Variants in XYLB observed in about 807,000 individuals in gnomAD.
The protein encoded by XYLB is xylulose kinase.
XYLB carries 62 observed loss-of-function variants against 78.7 expected under a neutral mutation model. The ratio of observed to expected loss-of-function variants is 0.79; its 90% confidence interval spans 0.64 to 0.97. The LOEUF is 0.97. Ranked by LOEUF, XYLB falls within the 50% of genes least tolerant of loss-of-function variation. The pLI is 0.00. For missense variants in XYLB, 687 were observed against 676.8 expected (o/e 1.02, Z -0.17); for synonymous variants, 245 against 247.4 (o/e 0.99, Z 0.09).
chr3:38,442,887 G>C, the XYLB span, among the ~76,000 whole-genome samples: 3 of 152,128 alleles, frequency 2.0e-5, no homozygotes, highest in Non-Finnish European at 2.9e-5. Context: ...TTGCCCTTCT[G>C]CATTGTCCTT....
chr3:38,384,598 G>A (rs1707300129), intron 15 of XYLB, among the ~76,000 whole-genome samples: 1 of 152,184 alleles, frequency 6.6e-6, no homozygotes, highest in African/African-American at 2.4e-5. Context: ...AATACATAAC[G>A]AATGGATGTC....
At position 38,365,698 on chromosome 3, in the gene XYLB, C is replaced by G; in HGVS notation, c.469C>G (p.Gln157Glu). ...RQLEAAVGGA[Q>E]ALSCLTGSRA... ...GCTGGAGGCTGCTGTGGGTGGTGCT[C>G]AGGCTCTCAGCTGCCTCACGGGGTC... Residue 157 changes from glutamine (Q) to glutamate (E), a missense_variant, in exon 6 of 19, where the codon CAG (glutamine) becomes GAG (glutamate). Gln to Glu is a conservative substitution (Grantham distance 29). Coordinates refer to ENST00000207870, the MANE Select transcript of XYLB (RefSeq NM_005108.4). 6.2e-7 allele frequency: 1 copy of G among 1,613,806 alleles called. No individual in the cohort carries two copies. The highest frequency in any genetic ancestry group is 8.5e-7 in the Non-Finnish European group (1 of 1,179,964).
downstream of XYLB, among the ~76,000 whole-genome samples, chr3:38,419,263 A>G (rs1247277681): frequency 6.6e-6 from 1 of 152,142 alleles, no homozygotes; most frequent in Non-Finnish European, 1.5e-5. Flanking sequence ...AGCAAGGCTG[A>G]ATAATATTCC....
downstream of XYLB, among the ~76,000 whole-genome samples, chr3:38,423,224 C>G (rs1036797849): frequency 3.3e-5 from 5 of 152,104 alleles, no homozygotes; most frequent in African/African-American, 4.8e-5. Context: ...AGGCGCCCAC[C>G]ACCACGCCCG....
chr3:38,390,247 T>C (rs1707589733), intron 15 of XYLB, among the ~76,000 whole-genome samples: 1 of 152,216 alleles, frequency 6.6e-6, no homozygotes, highest in Non-Finnish European at 1.5e-5. Context: ...TTTCACTTGC[T>C]CTGTGGCCCA....
chr3:38,407,889 C>T (rs1369461792), intron 18 of XYLB, among the ~76,000 whole-genome samples: 1 of 151,092 alleles, frequency 6.6e-6, no homozygotes, highest in Non-Finnish European at 1.5e-5. Flanking sequence ...TAAAGCAAGT[C>T]CTGAGTGACC....
At chr3:38,377,933 G>A (rs1398721802) in intron 14 of XYLB, among the ~76,000 whole-genome samples, 1 of 152,178 alleles carries the variant, frequency 6.6e-6, no homozygotes, top group Non-Finnish European at 1.5e-5. Flanking sequence ...TTCTCGGGAA[G>A]GATTTAGTTG....
At chr3:38,440,986 CCT>C in the XYLB span, among the ~76,000 whole-genome samples, 8 of 151,174 alleles carry the variant, frequency 5.3e-5, no homozygotes, top group South Asian at 2.1e-4. Context: ...CGTCTTTCCC[CCT>C]CTCTCTCTCT....
At position 38,365,679 on chromosome 3, in the gene XYLB, G is replaced by C. The variant is rs1317654617; in HGVS notation, c.450G>C (p.Glu150Asp). 3 of 1,613,826 alleles carry C rather than the reference G, an allele frequency of 1.9e-6. No homozygotes were observed. The African/African-American group carries it at 4.0e-5, about 22-fold the overall frequency. The change falls in exon 6 of 19, where the codon GAG (glutamate) becomes GAC (aspartate). Residue 150 changes from glutamate (E) to aspartate (D), a missense_variant. By Grantham distance (45) the Glu-to-Asp change is conservative. Transcript: ENST00000207870. The stretch of plus-strand genomic sequence containing the variant: ...CCACAGCCCAGTGCCGCCAGCTGGA[G>C]GCTGCTGTGGGTGGTGCTCAGGCTC... ...SSTTAQCRQL[E>D]AAVGGAQALS... is the part of the protein sequence containing the mutation.
chr3:38,377,975 G>A (rs1706950626), intron 14 of XYLB, among the ~76,000 whole-genome samples: 1 of 152,220 alleles, frequency 6.6e-6, no homozygotes, highest in African/African-American at 2.4e-5. Context: ...CATTGCTGCT[G>A]GAGAGTCACT....
intron 15 of XYLB, among the ~76,000 whole-genome samples, chr3:38,390,491 G>A (rs534832751): frequency 1.3e-5 from 2 of 152,134 alleles, no homozygotes; most frequent in South Asian, 4.2e-4. Context: ...TGGGATTACA[G>A]GTATGAGCCA....
At chr3:38,355,960 A>C in intron 2 of XYLB, 1 of 594,560 alleles carries the variant, frequency 1.7e-6, no homozygotes. Context: ...TTTTTAAAGA[A>C]AATACTGGGG....
exon 18 of XYLB, among the ~76,000 whole-genome samples, chr3:38,420,378 C>G (rs975659698): frequency 6.6e-6 from 1 of 152,234 alleles, no homozygotes; most frequent in Non-Finnish European, 1.5e-5. Flanking sequence ...TGTTCCTGAT[C>G]TTAGCGGACA....
At chr3:38,349,550 G>A (rs762240124) in intron 2 of XYLB, among the ~76,000 whole-genome samples, 2 of 152,178 alleles carry the variant, frequency 1.3e-5, no homozygotes, top group Non-Finnish European at 2.9e-5. Context: ...GACAGGTCCT[G>A]TTACAAAATT....
intron 18 of XYLB, among the ~76,000 whole-genome samples, chr3:38,406,413 A>C (rs1708324639): frequency 6.6e-6 from 1 of 152,238 alleles, no homozygotes; most frequent in African/African-American, 2.4e-5. Context: ...GACCAAAAGT[A>C]GATAAAACCA....
At position 38,366,885 on chromosome 3, in the gene XYLB, G is replaced by A. The variant is rs1706293611; in HGVS notation, c.573+12G>A. 3.2e-6 allele frequency: 5 copies of A among 1,582,918 alleles called. No individual in the cohort carries two copies. The African/African-American group carries it at 4.0e-5, about 13-fold the overall frequency. The stretch of plus-strand genomic sequence containing the variant: ...ACTCACATACGGAGGTTGGTTAAAT[G>A]TTCCTGTTTGATTGAAAGTCACAGT... On this transcript the variant is annotated intron_variant, in intron 7 of 18. Transcript: ENST00000207870.
chr3:38,401,450 T>A (rs1033723925), intron 18 of XYLB, among the ~76,000 whole-genome samples: 2 of 152,176 alleles, frequency 1.3e-5, no homozygotes, highest in African/African-American at 4.8e-5. Context: ...CTAAGATATA[T>A]GAGGTTTATG....
chr3:38,448,988 T>C, the XYLB span, among the ~76,000 whole-genome samples: 1 of 152,196 alleles, frequency 6.6e-6, no homozygotes, highest in Admixed American at 6.5e-5. Context: ...TTTGTCTCTA[T>C]TTGCTTGTAT....
At position 38,351,171 on chromosome 3, in the gene XYLB, CAAAAAAAA is replaced by C. The variant is rs58457623; in HGVS notation, c.140+2560_140+2567del. 1.6e-3 allele frequency among the ~76,000 whole-genome samples: 38 copies of C among 23,086 alleles called. 1 individual carries two copies. Among genetic ancestry groups the C allele is most frequent in the East Asian group, 4.5e-3 (4 of 898 alleles). The allele number at this position is 23,086 out of a possible 152,430, so 15.1% of individuals were successfully genotyped here. On this transcript the variant is annotated intron_variant, in intron 2 of 18. Transcript: ENST00000207870. ...TGGACAACAGAGGGAGAGCCTGTCT[CAAAAAAAA>C]AAAAAAAAAAAAAAAAAAAAGGAAG...
Sources: gnomAD v4.1 joint callset for allele counts (sites outside exome capture counted in the v4.1 genomes callset) on GRCh38, gnomAD v4.1.1 for gene constraint, MANE v1.5 for transcripts, NCBI Gene and HGNC (gene_info 2026-07-23, HGNC 2026-07-21) for gene names.